Variants in OPCML observed in about 807,000 individuals in gnomAD.
The protein encoded by OPCML is opioid-binding protein/cell adhesion molecule.
Under a neutral mutation model 37.8 loss-of-function variants are expected in OPCML, and 13 were observed. The ratio of observed to expected loss-of-function variants is 0.34; its 90% CI spans 0.22 to 0.55. The LOEUF is 0.55. OPCML is among the 20% of genes least tolerant of loss of function. OPCML has a pLI of 0.91. For synonymous variants in OPCML, 176 were observed against 168.8 expected (o/e 1.04, Z -0.33); for missense variants, 341 against 435.6 (o/e 0.78, Z 1.93).
At chr11:132,966,726 G>T (rs1408081522) in intron 1 of OPCML, among the ~76,000 whole-genome samples, 1 of 151,802 alleles carries the variant, frequency 6.6e-6, no homozygotes, top group Non-Finnish European at 1.5e-5. Context: ...ATATTTTGGG[G>T]CTCTGTGATT....
chr11:132,632,241 A>ATTTTTTTTTTTTTTTTTTTTTTTTTTTT, intron 3 of OPCML, among the ~76,000 whole-genome samples: 1 of 111,584 alleles, frequency 9.0e-6, no homozygotes, highest in Non-Finnish European at 1.7e-5. Context: ...ATTCAAACAC[A>ATTTTTTTTTTTTTTTTTTTTTTTTTTTT]TTTTTTTTTT....
chr11:132,624,150 T>C (rs1436218630), intron 3 of OPCML, among the ~76,000 whole-genome samples: 2 of 152,222 alleles, frequency 1.3e-5, no homozygotes, highest in Non-Finnish European at 1.5e-5. Flanking sequence ...GATTCATATA[T>C]TGATTAATAA....
intron 2 of OPCML, among the ~76,000 whole-genome samples, chr11:132,805,352 G>A (rs1193471834): frequency 2.6e-5 from 4 of 152,214 alleles, no homozygotes; most frequent in South Asian, 4.1e-4. Context: ...TGCCTAAGAA[G>A]AAGAAGAGAG....
At chr11:133,010,456 A>G (rs1947193657) in intron 1 of OPCML, among the ~76,000 whole-genome samples, 1 of 152,248 alleles carries the variant, frequency 6.6e-6, no homozygotes, top group Non-Finnish European at 1.5e-5. Context: ...TATTTAAAGC[A>G]TTATTAAAAT....
intron 1 of OPCML, among the ~76,000 whole-genome samples, chr11:132,993,892 G>A (rs1946827974): frequency 6.6e-6 from 1 of 152,064 alleles, no homozygotes; most frequent in Non-Finnish European, 1.5e-5. Context: ...CTCTGGGTAT[G>A]GGCAAAGGGA....
chr11:132,687,031 C>A (rs1565775763), intron 2 of OPCML, among the ~76,000 whole-genome samples: 1 of 152,188 alleles, frequency 6.6e-6, no homozygotes, highest in Non-Finnish European at 1.5e-5. Context: ...TGAAGTCACA[C>A]AATATTGTAG....
At chr11:132,632,025 A>G (rs986692224) in intron 3 of OPCML, among the ~76,000 whole-genome samples, 1 of 152,056 alleles carries the variant, frequency 6.6e-6, no homozygotes, top group Non-Finnish European at 1.5e-5. Flanking sequence ...ACGTAGCTGG[A>G]AATGAAAATG....
At chr11:132,579,690 T>C (rs2096458374) in intron 3 of OPCML, among the ~76,000 whole-genome samples, 1 of 152,086 alleles carries the variant, frequency 6.6e-6, no homozygotes, top group African/African-American at 2.4e-5. Context: ...CAGTGGCACA[T>C]GGGGACAAGT....
intron 1 of OPCML, among the ~76,000 whole-genome samples, chr11:133,122,111 T>C (rs912889147): frequency 4.6e-5 from 7 of 152,194 alleles, no homozygotes; most frequent in Admixed American, 4.6e-4. Context: ...TAGTGTAAAA[T>C]TGTTGTTCCT....
intron 1 of OPCML, among the ~76,000 whole-genome samples, chr11:133,029,730 G>T (rs939702886): frequency 6.6e-6 from 1 of 152,044 alleles, no homozygotes. Flanking sequence ...AGTGTGAGGG[G>T]CAAGTGTTGA....
rs1159630038 is a variant in OPCML, at chr11:133,206,225, C to G, written c.62-263215G>C. On this transcript the variant is annotated intron_variant, in intron 1 of 7. Coordinates refer to ENST00000524381, the MANE Select transcript of OPCML (RefSeq NM_001012393.5). This position sits in a 1 kb window ranked among gnomAD's most constrained non-coding sequence, Gnocchi z 4.7. ...GTCATCAATGCTCAATGAATGCGAG[C>G]AGTACATTAAAGATCAGCAGTACAT... Among the ~76,000 whole-genome samples the G allele has an allele frequency of 6.6e-6, 1 of 152,140 alleles. No homozygotes were observed. The highest frequency in any genetic ancestry group is 1.5e-5 in the Non-Finnish European group (1 of 68,030).
At chr11:132,927,187 C>T (rs2659619) in intron 2 of OPCML, among the ~76,000 whole-genome samples, 7,942 of 152,092 alleles carry the variant, frequency 0.052, 315 homozygotes, top group Middle Eastern at 0.15. Context: ...TGGACATATA[C>T]ATATAAGAAG....
chr11:133,314,232 CAAAAAAAAAAAAAAAA>C (rs59843718), intron 1 of OPCML, among the ~76,000 whole-genome samples: 2 of 49,750 alleles, frequency 4.0e-5, no homozygotes, highest in Non-Finnish European at 7.4e-5. Context: ...GACTCCGTCT[CAAAAAAAAAAAAAAAA>C]AAAAAAAAAA....
At chr11:133,167,516 GCTTT>G (rs1415605728) in intron 1 of OPCML, among the ~76,000 whole-genome samples, 4 of 141,154 alleles carry the variant, frequency 2.8e-5, no homozygotes, top group African/African-American at 5.3e-5. Flanking sequence ...TCTTGTGCCA[GCTTT>G]CTTTCTCTTT....
In OPCML at chr11:133,373,458, C is replaced by A. The variant is rs549292802; in HGVS notation, c.61+158806G>T. ...ATATATATATATATATACACACACACACACAAAAATACAAAATTTAGCCAG... is the reference window on the plus strand; with the variant it reads ...ATATATATATATATATACACACACAAACACAAAAATACAAAATTTAGCCAG... On this transcript the variant is annotated intron_variant, in intron 1 of 7. Coordinates refer to ENST00000524381, the MANE Select transcript of OPCML (RefSeq NM_001012393.5). 5.3e-3 allele frequency among the ~76,000 whole-genome samples: 613 copies of A among 115,800 alleles called. 6 individuals are homozygous for A. Among genetic ancestry groups the A allele is most frequent in the African/African-American group, 0.018 (550 of 30,294 alleles). The allele number at this position is 115,800 out of a possible 152,430, so 76.0% of individuals were successfully genotyped here.
intron 2 of OPCML, among the ~76,000 whole-genome samples, chr11:132,676,355 T>C (rs978889521): frequency 6.6e-6 from 1 of 152,050 alleles, no homozygotes; most frequent in African/African-American, 2.4e-5. Context: ...ATAGACATAG[T>C]CTTTGGGACT....
At chr11:132,645,970 G>A (rs1941128765) in intron 3 of OPCML, among the ~76,000 whole-genome samples, 1 of 152,186 alleles carries the variant, frequency 6.6e-6, no homozygotes, top group South Asian at 2.1e-4. Flanking sequence ...TGAATTCTAT[G>A]AGAAACGAAG....
At chr11:132,688,410 T>C (rs942370915) in intron 2 of OPCML, among the ~76,000 whole-genome samples, 5 of 152,100 alleles carry the variant, frequency 3.3e-5, no homozygotes, top group Non-Finnish European at 7.4e-5. Context: ...AGACATTGAG[T>C]GTGACCTTGG....
At chr11:133,012,049 T>TA (rs1487796173) in intron 1 of OPCML, among the ~76,000 whole-genome samples, 1 of 152,098 alleles carries the variant, frequency 6.6e-6, no homozygotes, top group African/African-American at 2.4e-5. Context: ...ACTCTTGGTC[T>TA]AAAAAAATGG....
Sources: allele counts gnomAD v4.1 joint callset (sites outside exome capture counted in the v4.1 genomes callset), GRCh38; gene constraint gnomAD v4.1.1; non-coding constraint Gnocchi (gnomAD v3.1); transcripts MANE v1.5; gene names NCBI Gene and HGNC (gene_info 2026-07-23, HGNC 2026-07-21).